GPC6: variants seen among roughly 807,000 people sequenced by gnomAD.
GPC6 encodes the protein glypican 6.
Under a neutral mutation model 55.2 loss-of-function variants are expected in GPC6, and 14 were observed. That is an observed-to-expected ratio of 0.25 (90% CI 0.17 to 0.40). The LOEUF is 0.40. Ranked by LOEUF, GPC6 falls within the 10% of genes least tolerant of loss-of-function variation. The probability of loss-of-function intolerance (pLI) is 1.00; values close to 1 mark genes in which losing one functional copy is unlikely to be tolerated. For synonymous variants in GPC6, 278 were observed against 259.6 expected (o/e 1.07, Z -0.68); for missense variants, 641 against 708.5 (o/e 0.90, Z 1.08).
At chr13:94,382,818 A>G (rs933667441) in intron 7 of GPC6, among the ~76,000 whole-genome samples, 6 of 152,256 alleles carry the variant, frequency 3.9e-5, no homozygotes, top group African/African-American at 1.4e-4. Flanking sequence ...GCCAGGTTTC[A>G]GATACCCTGA....
intron 2 of GPC6, among the ~76,000 whole-genome samples, chr13:93,738,430 A>G (rs1884077078): frequency 6.6e-6 from 1 of 152,130 alleles, no homozygotes; most frequent in Non-Finnish European, 1.5e-5. Context: ...TTTTTCCCAT[A>G]TATTAGTTTC....
intron 6 of GPC6, among the ~76,000 whole-genome samples, chr13:94,373,230 C>T (rs937578857): frequency 6.6e-6 from 1 of 151,942 alleles, no homozygotes; most frequent in African/African-American, 2.4e-5. Context: ...CTTTGACGAG[C>T]TGAGAGAAGA....
chr13:94,152,788 T>G (rs1887789837), intron 4 of GPC6, among the ~76,000 whole-genome samples: 1 of 152,090 alleles, frequency 6.6e-6, no homozygotes, highest in Non-Finnish European at 1.5e-5. Context: ...GAATTTATGC[T>G]CCCATAAATA....
intron 4 of GPC6, among the ~76,000 whole-genome samples, chr13:94,198,601 G>T (rs1244581306): frequency 6.6e-6 from 1 of 152,210 alleles, no homozygotes. Context: ...ATCTCAGGCT[G>T]TGTCCGTTCT....
chr13:94,119,333 G>C (rs955543478), intron 4 of GPC6, among the ~76,000 whole-genome samples: 9 of 152,152 alleles, frequency 5.9e-5, no homozygotes, highest in Non-Finnish European at 1.3e-4. Context: ...ATAAAGCAGA[G>C]AAGGGAGCCT....
At chr13:93,591,921 G>C (rs940055267) in intron 2 of GPC6, among the ~76,000 whole-genome samples, 2 of 152,088 alleles carry the variant, frequency 1.3e-5, no homozygotes, top group Non-Finnish European at 2.9e-5. Flanking sequence ...ATTTCATATT[G>C]TATTTTGGGT....
intron 3 of GPC6, among the ~76,000 whole-genome samples, chr13:93,961,248 TA>T (rs1187004201): frequency 1.3e-5 from 2 of 152,182 alleles, no homozygotes; most frequent in Non-Finnish European, 2.9e-5. Flanking sequence ...TGAGAACCTA[TA>T]AATAATCTCT....
chr13:93,944,915 G>A (rs1160166026), intron 3 of GPC6, among the ~76,000 whole-genome samples: 1 of 152,130 alleles, frequency 6.6e-6, no homozygotes, highest in African/African-American at 2.4e-5. Flanking sequence ...GTGTGTTGGG[G>A]TGGGGAGGGG....
At chr13:93,396,340 G>A (rs558020619) in intron 1 of GPC6, among the ~76,000 whole-genome samples, 10 of 152,184 alleles carry the variant, frequency 6.6e-5, no homozygotes, top group South Asian at 2.1e-4. Flanking sequence ...CGAGGTGGGC[G>A]GATCATGAGG....
intron 3 of GPC6, among the ~76,000 whole-genome samples, chr13:93,949,725 T>C (rs1414183881): frequency 6.6e-6 from 1 of 152,126 alleles, no homozygotes; most frequent in Admixed American, 6.5e-5. Flanking sequence ...TTTAAATTTA[T>C]GATTTTTAAA....
chr13:93,349,115 T>A (rs550373205), intron 1 of GPC6, among the ~76,000 whole-genome samples: 1 of 152,196 alleles, frequency 6.6e-6, no homozygotes, highest in African/African-American at 2.4e-5. Flanking sequence ...TGGCCTTTAC[T>A]AGTTCAGAAG....
intron 3 of GPC6, among the ~76,000 whole-genome samples, chr13:94,009,005 T>C (rs1882134054): frequency 6.6e-6 from 1 of 152,194 alleles, no homozygotes; most frequent in South Asian, 2.1e-4. Flanking sequence ...ATTTCCATGA[T>C]TGTAAGGCTC....
chr13:93,367,536 A>G (rs1234014685), intron 1 of GPC6, among the ~76,000 whole-genome samples: 1 of 151,946 alleles, frequency 6.6e-6, no homozygotes, highest in East Asian at 1.9e-4. Flanking sequence ...GTGCTTAGAT[A>G]ACTGATTTGA....
chr13:94,399,784 A>G (rs1002288704), intron 8 of GPC6, among the ~76,000 whole-genome samples: 1 of 152,188 alleles, frequency 6.6e-6, no homozygotes, highest in Admixed American at 6.5e-5. Context: ...AAAATTCCTC[A>G]AAATAATCCC....
At chr13:93,773,870 G>A (rs904064208) in intron 2 of GPC6, among the ~76,000 whole-genome samples, 4 of 152,184 alleles carry the variant, frequency 2.6e-5, no homozygotes, top group Non-Finnish European at 5.9e-5. Flanking sequence ...TGCCAGCAGA[G>A]CAACTTAAAA....
intron 1 of GPC6, among the ~76,000 whole-genome samples, chr13:93,258,983 C>G (rs1202880243): frequency 6.6e-6 from 1 of 151,926 alleles, no homozygotes; most frequent in Non-Finnish European, 1.5e-5. Context: ...AACAACAAAG[C>G]TTCCATGGTA....
upstream of GPC6, among the ~76,000 whole-genome samples, chr13:93,222,470 C>T (rs1242184842): frequency 6.6e-6 from 1 of 152,158 alleles, no homozygotes. Context: ...TTCTTTCCAC[C>T]TACTTCACAC....
At chr13:94,306,509 C>A (rs1594152190) in intron 6 of GPC6, among the ~76,000 whole-genome samples, 1 of 152,134 alleles carries the variant, frequency 6.6e-6, no homozygotes, top group East Asian at 1.9e-4. Flanking sequence ...TGATATAATG[C>A]AAGTTTATTA....
intron 3 of GPC6, among the ~76,000 whole-genome samples, chr13:93,833,291 A>G (rs1887602374): frequency 6.6e-6 from 1 of 152,190 alleles, no homozygotes; most frequent in African/African-American, 2.4e-5. Context: ...AGAGCCGACT[A>G]AACTAGCAAT....
Sources: allele counts gnomAD v4.1 joint callset (sites outside exome capture counted in the v4.1 genomes callset), GRCh38; gene constraint gnomAD v4.1.1; transcripts MANE v1.5; gene names NCBI Gene and HGNC (gene_info 2026-07-23, HGNC 2026-07-21).